KIF18A: variants seen among roughly 807,000 people sequenced by gnomAD.
KIF18A encodes kinesin-like protein KIF18A.
In KIF18A, 67 loss-of-function variants were observed where a neutral mutation model predicts 103.3. The observed-to-expected ratio is 0.65, with a 90% CI of 0.53 to 0.79. The LOEUF (loss-of-function observed/expected upper bound fraction) is 0.79, where lower values mean the gene tolerates loss of function less well. Among genes scored for constraint, KIF18A ranks in the 30% least tolerant of loss-of-function variants. The pLI is 0.00. For missense variants in KIF18A, 1,032 were observed against 1,062.5 expected (o/e 0.97, Z 0.40); for synonymous variants, 367 against 355.5 (o/e 1.03, Z -0.36).
chr11:28,036,951 TTATC>T (rs1254093701), intron 13 of KIF18A, among the ~76,000 whole-genome samples: 1 of 151,576 alleles, frequency 6.6e-6, no homozygotes, highest in Non-Finnish European at 1.5e-5. Flanking sequence ...AGGAAACAAA[TTATC>T]AATCAATTCC....
chr11:28,062,505 T>G lies in KIF18A; in HGVS notation c.1602A>C (p.Lys534Asn). 6.2e-7 allele frequency: 1 copy of G among 1,610,556 alleles called. No homozygotes were observed. The highest frequency in any genetic ancestry group is 8.5e-7 in the Non-Finnish European group (1 of 1,178,002). Residue 534 changes from lysine (K) to asparagine (N), a missense_variant, in exon 12 of 17, where the codon AAA becomes AAC. Physicochemically the swap from Lys to Asn is moderately conservative, Grantham distance 94. Coordinates refer to ENST00000263181, the MANE Select transcript of KIF18A (RefSeq NM_031217.4). ...QNGHIPKELK[K>N]DLHCHHLHLQ... ...GGTGCAAATGGTGACAATGAAGATC[T>G]TTCTTGAGTTCCTAGGGCAAACAAT...
At chr11:28,023,213 ATG>A (rs1408279166) in intron 16 of KIF18A, among the ~76,000 whole-genome samples, 1 of 152,152 alleles carries the variant, frequency 6.6e-6, no homozygotes. Context: ...GGTTGATGGA[ATG>A]TAGTATCTTT....
intron 2 of KIF18A, among the ~76,000 whole-genome samples, chr11:28,096,337 G>A (rs959204988): frequency 6.6e-5 from 10 of 152,020 alleles, no homozygotes; most frequent in African/African-American, 2.4e-4. Flanking sequence ...TAAACCAAAT[G>A]TTAACAAACC....
chr11:28,021,286 G>A lies in KIF18A; in HGVS notation c.2615-4C>T, dbSNP rs1447439239. 1 of 1,411,740 alleles carries A rather than the reference G, an allele frequency of 7.1e-7. No individual in the cohort carries two copies. Among genetic ancestry groups the A allele is most frequent in the South Asian group, 1.5e-5 (1 of 65,508 alleles). 87.5% of individuals were successfully genotyped at this position (1,411,740 alleles called of 1,614,324 possible). A position where few individuals can be genotyped will look rare whatever the true frequency, so the allele number is the denominator to read the frequency against. ...TTACAGATGTTTCTTTTATGTTCTA[G>A]AGAAGAAATAAAAAGATGCATAAAT... On this transcript the variant is annotated splice_polypyrimidine_tract_variant and splice_region_variant and intron_variant, in intron 16 of 16. Transcript: ENST00000263181.
intron 13 of KIF18A, among the ~76,000 whole-genome samples, chr11:28,044,379 CA>C (rs1850602009): frequency 6.6e-6 from 1 of 152,020 alleles, no homozygotes. Flanking sequence ...TAGGTTCCCC[CA>C]GATTGACTAG....
chr11:28,046,781 G>A (rs1161839891), intron 13 of KIF18A, among the ~76,000 whole-genome samples: 1 of 150,726 alleles, frequency 6.6e-6, no homozygotes, highest in Non-Finnish European at 1.5e-5. Context: ...TCTGGCTGTG[G>A]TGGCTCATGC....
chr11:28,028,568 A>G (rs1296131289), intron 15 of KIF18A, among the ~76,000 whole-genome samples: 1 of 152,184 alleles, frequency 6.6e-6, no homozygotes, highest in Non-Finnish European at 1.5e-5. Flanking sequence ...TGCCCACAAG[A>G]GAAAGCAGGA....
At chr11:28,091,538 G>T (rs2133560451) in intron 3 of KIF18A, 25 bp from the exon 4 acceptor site, 1 of 1,295,268 alleles carries the variant, frequency 7.7e-7, no homozygotes. Flanking sequence ...AACTGCTTTA[G>T]CATTGATGTA....
chr11:28,040,363 G>A (rs1332360821), intron 13 of KIF18A, among the ~76,000 whole-genome samples: 1 of 151,692 alleles, frequency 6.6e-6, no homozygotes, highest in African/African-American at 2.4e-5. Flanking sequence ...ATTTCCAGAA[G>A]AGCAGGCATG....
chr11:28,042,764 G>T (rs1331411699), intron 13 of KIF18A, among the ~76,000 whole-genome samples: 1 of 151,744 alleles, frequency 6.6e-6, no homozygotes, highest in Admixed American at 6.6e-5. Context: ...CTGAATAGAG[G>T]CATCTAGCGC....
intron 10 of KIF18A, among the ~76,000 whole-genome samples, chr11:28,074,316 T>C (rs1851061693): frequency 6.6e-6 from 1 of 152,202 alleles, no homozygotes; most frequent in Admixed American, 6.6e-5. Flanking sequence ...TCCAATGAGA[T>C]AGTTATTTGG....
chr11:28,037,141 G>A (rs546001111), intron 13 of KIF18A, among the ~76,000 whole-genome samples: 3 of 151,612 alleles, frequency 2.0e-5, no homozygotes, highest in African/African-American at 7.2e-5. Context: ...TTTGTTATAT[G>A]AGTATACTGG....
intron 15 of KIF18A, among the ~76,000 whole-genome samples, chr11:28,032,746 C>T: frequency 6.6e-6 from 1 of 151,682 alleles, no homozygotes; most frequent in Non-Finnish European, 1.5e-5. Context: ...AAATTTAAGA[C>T]CTCAAACTAT....
At chr11:28,062,630 A>G in intron 11 of KIF18A, 114 bp from the exon 12 acceptor site, 1 of 771,134 alleles carries the variant, frequency 1.3e-6, no homozygotes, top group East Asian at 3.3e-5. Context: ...GATATTAAAT[A>G]ATATGTTTAG....
At chr11:28,100,339 C>T (rs149482022) in intron 1 of KIF18A, among the ~76,000 whole-genome samples, 23 of 151,992 alleles carry the variant, frequency 1.5e-4, no homozygotes, top group Middle Eastern at 3.4e-3. Context: ...TAAAAACTTT[C>T]GGGAAATCCT....
rs189814635 is a variant in KIF18A at position 28,084,031 on chromosome 11, T to C, written c.1074+601A>G. 5.3e-5 allele frequency among the ~76,000 whole-genome samples: 8 copies of C among 152,254 alleles called. 1 individual carries two copies. The highest frequency in any genetic ancestry group is 2.6e-4 in the Admixed American group (4 of 15,290). ...TAATTTAAACATACATATTTTGATA[T>C]ACATGTTTTTAAGTACAACACATCT... On this transcript the variant is annotated intron_variant, in intron 7 of 16. Coordinates refer to ENST00000263181, the MANE Select transcript of KIF18A (RefSeq NM_031217.4).
At chr11:28,090,422 TTTTGTA>T (rs1279294020) in intron 5 of KIF18A, among the ~76,000 whole-genome samples, 189 bp downstream of exon 5, 8 of 152,212 alleles carry the variant, frequency 5.3e-5, no homozygotes, top group Non-Finnish European at 1.2e-4. Context: ...AAGGTAGAAA[TTTTGTA>T]TTTTTGTTTT....
At chr11:28,066,882 C>T (rs1253727494) in intron 11 of KIF18A, among the ~76,000 whole-genome samples, 1 of 150,434 alleles carries the variant, frequency 6.6e-6, no homozygotes, top group Non-Finnish European at 1.5e-5. Flanking sequence ...CTTTGTACAA[C>T]TTGCTTGGAT....
At chr11:28,025,502 C>T (rs937239652) in intron 15 of KIF18A, among the ~76,000 whole-genome samples, 2 of 151,740 alleles carry the variant, frequency 1.3e-5, no homozygotes, top group African/African-American at 2.4e-5. Context: ...GTTCCAGGAC[C>T]CTACTTTTTA....
Sources: allele counts gnomAD v4.1 joint callset (sites outside exome capture counted in the v4.1 genomes callset), GRCh38; gene constraint gnomAD v4.1.1; transcripts MANE v1.5; gene names NCBI Gene and HGNC (gene_info 2026-07-23, HGNC 2026-07-21).